TMEM178B: variants seen among roughly 807,000 people sequenced by gnomAD.
The protein encoded by TMEM178B is transmembrane protein 178B.
Under a neutral mutation model 31.0 loss-of-function variants are expected in TMEM178B, and 5 were observed. The ratio of observed to expected loss-of-function variants is 0.16; its 90% CI spans 0.08 to 0.34. The LOEUF is 0.34. Among genes scored for constraint, TMEM178B ranks in the 10% least tolerant of loss-of-function variants. The pLI, the probability that TMEM178B is intolerant of heterozygous loss-of-function variation, is 1.00. For missense variants in TMEM178B, 275 were observed against 400.3 expected, an observed-to-expected ratio of 0.69 and a Z score of 2.67; for synonymous variants, 164 against 164.0, an observed-to-expected ratio of 1.00 and a Z score of 0.00.
intron 1 of TMEM178B, among the ~76,000 whole-genome samples, chr7:141,176,436 CTG>C (rs1796435963): frequency 6.6e-6 from 1 of 152,150 alleles, no homozygotes; most frequent in East Asian, 1.9e-4. Flanking sequence ...TGTTGTGTCT[CTG>C]TCAGGTTTTG....
At chr7:141,095,767 T>C (rs1794949689) in intron 1 of TMEM178B, among the ~76,000 whole-genome samples, 1 of 152,198 alleles carries the variant, frequency 6.6e-6, no homozygotes, top group Non-Finnish European at 1.5e-5. Flanking sequence ...GGCTCAAAAA[T>C]GTTTACCATC....
chr7:141,303,847 A>G (rs1468403838), intron 2 of TMEM178B, among the ~76,000 whole-genome samples: 1 of 152,168 alleles, frequency 6.6e-6, no homozygotes, highest in Non-Finnish European at 1.5e-5. Flanking sequence ...ACTACTTACT[A>G]TGGTCAGGCA....
intron 2 of TMEM178B, among the ~76,000 whole-genome samples, chr7:141,242,115 A>G (rs1173031260): frequency 6.6e-6 from 1 of 152,220 alleles, no homozygotes; most frequent in Non-Finnish European, 1.5e-5. Flanking sequence ...ATCAGCTCTA[A>G]TATTCATGCT....
intron 2 of TMEM178B, among the ~76,000 whole-genome samples, chr7:141,305,392 C>T (rs943903727): frequency 3.9e-5 from 6 of 152,134 alleles, no homozygotes; most frequent in Non-Finnish European, 7.3e-5. Context: ...GTAGTCAATG[C>T]ACCACCTGCT....
intron 1 of TMEM178B, among the ~76,000 whole-genome samples, chr7:141,132,725 G>T (rs905660570): frequency 6.6e-6 from 1 of 152,048 alleles, no homozygotes; most frequent in Non-Finnish European, 1.5e-5. Context: ...ACACACCCAA[G>T]CCACCATTGC....
At chr7:141,244,487 G>A (rs1257330285) in intron 2 of TMEM178B, among the ~76,000 whole-genome samples, 1 of 152,180 alleles carries the variant, frequency 6.6e-6, no homozygotes, top group Admixed American at 6.5e-5. Context: ...AAGGCTATAG[G>A]ACACAAAAGA....
chr7:141,336,918 CCACCACCACCACCAT>C (rs1563155175), intron 2 of TMEM178B, among the ~76,000 whole-genome samples: 68 of 132,940 alleles, frequency 5.1e-4, no homozygotes, highest in South Asian at 1.1e-3. Flanking sequence ...ATCACCACCA[CCACCACCACCACCAT>C]CACCACCACC....
chr7:141,358,610 A>G (rs1799863731), intron 2 of TMEM178B, among the ~76,000 whole-genome samples: 1 of 151,938 alleles, frequency 6.6e-6, no homozygotes, highest in African/African-American at 2.4e-5. Flanking sequence ...TAAATTAAAA[A>G]ACCATTGAGC....
At chr7:141,216,219 C>A (rs1797141396) in intron 2 of TMEM178B, among the ~76,000 whole-genome samples, 2 of 152,028 alleles carry the variant, frequency 1.3e-5, no homozygotes, top group African/African-American at 4.8e-5. Context: ...GGAAAAGGCA[C>A]AATTTGGTTT....
chr7:141,085,401 G>A (rs1473319145), intron 1 of TMEM178B, among the ~76,000 whole-genome samples: 1 of 152,040 alleles, frequency 6.6e-6, no homozygotes, highest in Non-Finnish European at 1.5e-5. Flanking sequence ...AAGCTGCTGT[G>A]AGCATTCACA....
chr7:141,166,047 A>G (rs748035249), intron 1 of TMEM178B, among the ~76,000 whole-genome samples: 6 of 152,208 alleles, frequency 3.9e-5, no homozygotes, highest in Non-Finnish European at 8.8e-5. Context: ...CTAGCTAGCT[A>G]AAAATTGGGG....
At position 141,228,458 on chromosome 7, in the gene TMEM178B, A is replaced by C. The variant is rs1423541366; in HGVS notation, c.496+15754A>C. Among the ~76,000 whole-genome samples the C allele has an allele frequency of 2.0e-5, 3 of 151,944 alleles. No homozygotes were observed. The South Asian group carries it at 6.2e-4, about 32-fold the overall frequency. ...GGAAAAAAATCAATGAGTAGCTATC[A>C]CTTACTCTCAGAAGAGGGGTTCCTC... On this transcript the variant is annotated intron_variant, in intron 2 of 3. Transcript: ENST00000565468.
At position 141,363,222 on chromosome 7, in the gene TMEM178B, G is replaced by A. The variant is rs148014304; in HGVS notation, c.497-74386G>A. ...GTGAATGGGACTGGCACAAACCTTC[G>A]GGATTCGCCTTTGCTGGGTTAGTAA... On this transcript the variant is annotated intron_variant, in intron 2 of 3. Coordinates refer to ENST00000565468, the MANE Select transcript of TMEM178B (RefSeq NM_001195278.2). 8.8e-3 allele frequency among the ~76,000 whole-genome samples: 1,343 copies of A among 152,298 alleles called. 23 individuals carry two copies. Among genetic ancestry groups the A allele is most frequent in the African/African-American group, 0.03 (1,249 of 41,558 alleles).
chr7:141,447,722 G>A (rs549467638), intron 3 of TMEM178B, among the ~76,000 whole-genome samples: 10 of 152,244 alleles, frequency 6.6e-5, no homozygotes, highest in African/African-American at 1.2e-4. Flanking sequence ...GGAGAAGCCC[G>A]AGCAGGGTTA....
At chr7:141,211,172 C>T (rs1797047125) in intron 1 of TMEM178B, among the ~76,000 whole-genome samples, 1 of 152,038 alleles carries the variant, frequency 6.6e-6, no homozygotes, top group Non-Finnish European at 1.5e-5. Flanking sequence ...AGGGGGAATG[C>T]TGGGGACATG....
Position 141,469,339 on chromosome 7 carries a change from G to A in TMEM178B, c.635-1197G>A, listed in dbSNP as rs1416288406. On this transcript the variant is annotated intron_variant, in intron 3 of 3. Transcript: ENST00000565468. ...AATACTTATTTTAGGGTCAACTGTG[G>A]CCATTTAAATTATCACGAGCTGGTG... 5.9e-5 allele frequency among the ~76,000 whole-genome samples: 9 copies of A among 152,058 alleles called. No individual in the cohort carries two copies. The East Asian group carries it at 1.7e-3, about 29-fold the overall frequency.
chr7:141,420,165 A>C (rs962683231), intron 2 of TMEM178B, among the ~76,000 whole-genome samples: 1 of 150,108 alleles, frequency 6.7e-6, no homozygotes, highest in Non-Finnish European at 1.5e-5. Context: ...CAACCTACTT[A>C]ATTTTTTCTC....
At chr7:141,294,004 G>T (rs1035081601) in intron 2 of TMEM178B, among the ~76,000 whole-genome samples, 1 of 152,164 alleles carries the variant, frequency 6.6e-6, no homozygotes, top group African/African-American at 2.4e-5. Context: ...CTGCAATTCT[G>T]TCAGGAGAAA....
chr7:141,074,156 G>T lies in TMEM178B; in HGVS notation c.-155G>T. The T allele has an allele frequency of 8.7e-7, 1 of 1,147,006 alleles. No homozygotes were observed. Among genetic ancestry groups the T allele is most frequent in the South Asian group, 1.9e-5 (1 of 51,548 alleles). 71.1% of individuals were successfully genotyped at this position (1,147,006 alleles called of 1,614,324 possible). On this transcript the variant is annotated 5_prime_UTR_variant, in exon 1 of 4. Coordinates refer to ENST00000565468, the MANE Select transcript of TMEM178B (RefSeq NM_001195278.2). The surrounding 1 kb of genome is among the most constrained non-coding windows in gnomAD (Gnocchi z 5.1). Reference sequence around the variant, plus strand: ...CCCCCATCCCCGCAGTCCCCGGGCCGTGCTCCGGTAGGCGGGGGCCGAGGG... The same window carrying T: ...CCCCCATCCCCGCAGTCCCCGGGCCTTGCTCCGGTAGGCGGGGGCCGAGGG...
Sources: gnomAD v4.1 joint callset for allele counts (sites outside exome capture counted in the v4.1 genomes callset) on GRCh38, gnomAD v4.1.1 for gene constraint, Gnocchi (gnomAD v3.1) non-coding constraint, MANE v1.5 for transcripts, NCBI Gene and HGNC (gene_info 2026-07-23, HGNC 2026-07-21) for gene names.